RSF1: variants seen among roughly 807,000 people sequenced by gnomAD.
The protein encoded by RSF1 is remodeling and spacing factor 1, also known as HBV pX-associated protein 8.
In RSF1, 13 loss-of-function variants were observed where a neutral mutation model predicts 145.2. The ratio of observed to expected loss-of-function variants is 0.09; its 90% CI spans 0.06 to 0.14. The LOEUF (loss-of-function observed/expected upper bound fraction) is 0.14, where lower values mean the gene tolerates loss of function less well. RSF1 is among the 10% of genes least tolerant of loss of function. RSF1 has a pLI of 1.00. For synonymous variants in RSF1, 577 were observed against 592.6 expected (o/e 0.97, Z 0.38); for missense variants, 1,517 against 1,718.2 (o/e 0.88, Z 2.07).
chr11:77,820,550 C>G lies in RSF1; in HGVS notation c.165G>C (p.Pro55=). 6.5e-7 allele frequency: 1 copy of G among 1,549,424 alleles called. No individual in the cohort carries two copies. Among genetic ancestry groups the G allele is most frequent in the Non-Finnish European group, 8.7e-7 (1 of 1,147,410 alleles). The change falls in exon 1 of 16, where the codon CCG becomes CCC. Residue 55 remains proline, a synonymous_variant. Transcript: ENST00000308488. ...PELERVLQAP[P]PDVGNGEVPK... ...TACCTTCTCCGTTGCCGACGTCCGGCGGCGGCGCCTGCAGCACCCGCTCCA... is the reference window on the plus strand; with the variant it reads ...TACCTTCTCCGTTGCCGACGTCCGGGGGCGGCGCCTGCAGCACCCGCTCCA...
At chr11:77,818,390 C>A (rs770161806) in intron 1 of RSF1, among the ~76,000 whole-genome samples, 1 of 152,176 alleles carries the variant, frequency 6.6e-6, no homozygotes, top group African/African-American at 2.4e-5. Context: ...TCCCCAAATG[C>A]CCACAGTTCG....
upstream of RSF1, among the ~76,000 whole-genome samples, chr11:77,822,747 C>A (rs1948976882): frequency 6.6e-6 from 1 of 152,058 alleles, no homozygotes; most frequent in Non-Finnish European, 1.5e-5. Flanking sequence ...GAAAAAAGTT[C>A]TTTTGAAACT....
chr11:77,845,487 G>A, the RSF1 span, among the ~76,000 whole-genome samples: 2 of 151,710 alleles, frequency 1.3e-5, no homozygotes, highest in East Asian at 1.9e-4. Context: ...CTGGAGTGCC[G>A]TGGCACAATT....
intron 4 of RSF1, among the ~76,000 whole-genome samples, chr11:77,725,901 A>G (rs537337366): frequency 6.6e-6 from 1 of 152,334 alleles, no homozygotes; most frequent in Non-Finnish European, 1.5e-5. Flanking sequence ...TTCAGAGAAG[A>G]ATATTAGATT....
At chr11:77,676,001 C>T (rs1352387460) in intron 13 of RSF1, among the ~76,000 whole-genome samples, 1 of 152,214 alleles carries the variant, frequency 6.6e-6, no homozygotes, top group East Asian at 1.9e-4. Context: ...GCACTCTCTA[C>T]TTCATCCCCT....
the RSF1 span, chr11:77,829,937 T>G: frequency 3.9e-5 from 6 of 152,140 alleles, no homozygotes; most frequent in African/African-American, 9.7e-5. Context: ...TTTGAGACCA[T>G]CCTGGGAAAC....
chr11:77,827,995 C>A, the RSF1 span, among the ~76,000 whole-genome samples: 1 of 152,096 alleles, frequency 6.6e-6, no homozygotes, highest in Admixed American at 6.5e-5. Context: ...GAAATCAGAC[C>A]AGGCACAGTG....
At chr11:77,685,385 T>C (rs1439957131) in intron 9 of RSF1, among the ~76,000 whole-genome samples, 1 of 152,136 alleles carries the variant, frequency 6.6e-6, no homozygotes, top group Non-Finnish European at 1.5e-5. Flanking sequence ...AACCTCTACT[T>C]CCCGGGTTCA....
chr11:77,750,035 C>T (rs1427533023), intron 2 of RSF1, among the ~76,000 whole-genome samples: 1 of 151,956 alleles, frequency 6.6e-6, no homozygotes, highest in Non-Finnish European at 1.5e-5. Context: ...GTGTGAGCCA[C>T]ATGCCCGGCC....
chr11:77,770,254 A>T (rs962626982), intron 1 of RSF1, among the ~76,000 whole-genome samples: 1 of 152,140 alleles, frequency 6.6e-6, no homozygotes, highest in African/African-American at 2.4e-5. Context: ...CGAGGTCAGG[A>T]GATCGAGACC....
chr11:77,683,752 A>G lies in RSF1; in HGVS notation c.3023T>C (p.Leu1008Pro). ...KDSKKSKANL[L>P]ERRSTRTRKC... ...CCTTGTTCTTGTTGACCTCCTTTCA[A>G]GCAAGTTTGCTTTGGATTTTTTTGA... is the stretch of plus-strand genomic sequence containing the variant. The change falls in exon 11 of 16, where the codon CTT (leucine) becomes CCT (proline). Residue 1008 changes from leucine to proline, a missense_variant. Physicochemically the swap from Leu to Pro is moderately conservative, Grantham distance 98. This residue lies in a region of RSF1 where 231 missense variants were observed against 276.6 expected (regional missense o/e 0.84). Transcript: ENST00000308488. 6.2e-7 allele frequency: 1 copy of G among 1,613,408 alleles called. No individual in the cohort carries two copies. The highest frequency in any genetic ancestry group is 8.5e-7 in the Non-Finnish European group (1 of 1,179,880).
intron 8 of RSF1, among the ~76,000 whole-genome samples, chr11:77,692,145 C>A (rs1960164464): frequency 6.6e-6 from 1 of 151,786 alleles, no homozygotes; most frequent in Non-Finnish European, 1.5e-5. Context: ...CCTGCCTTGG[C>A]CTCCCAAAGT....
At chr11:77,862,204 C>T in the RSF1 span, among the ~76,000 whole-genome samples, 3 of 152,154 alleles carry the variant, frequency 2.0e-5, no homozygotes, top group African/African-American at 7.2e-5. Context: ...TGTGGGGAAT[C>T]GTTCTCATTC....
At chr11:77,841,275 T>A in the RSF1 span, 1 of 702,138 alleles carries the variant, frequency 1.4e-6, no homozygotes, top group South Asian at 1.5e-5. Context: ...AACATGAGTT[T>A]GGAAGGGTGC....
upstream of RSF1, among the ~76,000 whole-genome samples, chr11:77,823,308 T>C (rs1949017004): frequency 6.6e-6 from 1 of 151,666 alleles, no homozygotes; most frequent in Non-Finnish European, 1.5e-5. Flanking sequence ...TTTAATTTAA[T>C]AAGTCGGAAA....
At chr11:77,674,963 C>T in intron 14 of RSF1, 73 bp downstream of exon 14, 1 of 1,219,406 alleles carries the variant, frequency 8.2e-7, no homozygotes, top group Non-Finnish European at 1.1e-6. Context: ...GGTGCCATTG[C>T]ACTCCAGCAT....
the RSF1 span, among the ~76,000 whole-genome samples, chr11:77,855,975 T>G: frequency 2.0e-5 from 3 of 151,988 alleles, no homozygotes; most frequent in Non-Finnish European, 2.9e-5. Flanking sequence ...CAAATTTCAC[T>G]GTGTGTGGTG....
At chr11:77,838,286 T>C in the RSF1 span, among the ~76,000 whole-genome samples, 1 of 152,222 alleles carries the variant, frequency 6.6e-6, no homozygotes, top group Admixed American at 6.5e-5. Flanking sequence ...AATACTAATC[T>C]AAGTGTTGCT....
At chr11:77,751,740 C>T (rs1475030861) in intron 2 of RSF1, among the ~76,000 whole-genome samples, 1 of 152,210 alleles carries the variant, frequency 6.6e-6, no homozygotes, top group Non-Finnish European at 1.5e-5. Context: ...TCCTCCCACT[C>T]CTCTCCCTAT....
Sources: allele counts gnomAD v4.1 joint callset (sites outside exome capture counted in the v4.1 genomes callset), GRCh38; gene constraint gnomAD v4.1.1; regional missense constraint gnomAD v4.1.1; transcripts MANE v1.5; gene names NCBI Gene and HGNC (gene_info 2026-07-23, HGNC 2026-07-21).